The following VAT1L variants were observed in gnomAD, a reference collection of about 807,000 sequenced individuals.
The protein encoded by VAT1L is putative NADPH-dependent quinone oxidoreductase VAT1L.
VAT1L carries 34 observed loss-of-function variants against 44.1 expected under a neutral mutation model. The observed-to-expected ratio is 0.77, with a 90% CI of 0.59 to 1.03. VAT1L has a LOEUF of 1.03. Ranked by LOEUF, VAT1L falls within the 50% of genes least tolerant of loss-of-function variation. VAT1L has a pLI of 0.00. For missense variants in VAT1L, 615 were observed against 538.8 expected (o/e 1.14, Z -1.40); for synonymous variants, 253 against 202.2 (o/e 1.25, Z -2.13).
chr16:77,955,588 G>A (rs1295145752), intron 7 of VAT1L, among the ~76,000 whole-genome samples: 1 of 152,128 alleles, frequency 6.6e-6, no homozygotes, highest in Non-Finnish European at 1.5e-5. Flanking sequence ...AGCCAGGGGT[G>A]ATGGCACTCG....
In VAT1L at chr16:77,919,318, T is replaced by G. The variant is rs138017220; in HGVS notation, c.1077+34516T>G. Reference sequence around the variant, plus strand: ...GTTGTGCCTAGACCAGGATGCTGTTTTGATTGGAAAGGATGCTGGACTGAT... The same window carrying G: ...GTTGTGCCTAGACCAGGATGCTGTTGTGATTGGAAAGGATGCTGGACTGAT... On this transcript the variant is annotated intron_variant, in intron 7 of 8. Coordinates refer to ENST00000302536, the MANE Select transcript of VAT1L (RefSeq NM_020927.3). Among the ~76,000 whole-genome samples, 400 of 152,274 alleles carry G rather than the reference T, an allele frequency of 2.6e-3. 4 individuals are homozygous for G. Among genetic ancestry groups the G allele is most frequent in the African/African-American group, 9.3e-3 (386 of 41,556 alleles).
chr16:77,859,364 T>C (rs1016053567), intron 3 of VAT1L, among the ~76,000 whole-genome samples: 2 of 152,170 alleles, frequency 1.3e-5, no homozygotes. Context: ...CACAATGCCA[T>C]GCTCATGGCA....
Position 77,884,195 on chromosome 16 carries a change from G to A in VAT1L, c.883-413G>A, listed in dbSNP as rs2017184108. On this transcript the variant is annotated intron_variant, in intron 6 of 8. Coordinates refer to ENST00000302536, the MANE Select transcript of VAT1L (RefSeq NM_020927.3). This position sits in a 1 kb window ranked among gnomAD's most constrained non-coding sequence, Gnocchi z 4.5. Reference sequence around the variant, plus strand: ...TAAAAAAAATACACCACTGTCCAAGGCGGGTGGATCACGAGGTCAGGAGTT... The same window carrying A: ...TAAAAAAAATACACCACTGTCCAAGACGGGTGGATCACGAGGTCAGGAGTT... 6.6e-6 allele frequency among the ~76,000 whole-genome samples: 1 copy of A among 152,002 alleles called. No individual in the cohort carries two copies. The highest frequency in any genetic ancestry group is 1.5e-5 in the Non-Finnish European group (1 of 68,022).
chr16:77,917,694 G>T (rs1249601998), intron 7 of VAT1L, among the ~76,000 whole-genome samples: 1 of 152,084 alleles, frequency 6.6e-6, no homozygotes. Flanking sequence ...ATAATCTAAG[G>T]TTCCCTCCAC....
At chr16:77,822,243 T>C (rs2016463840) in intron 2 of VAT1L, among the ~76,000 whole-genome samples, 1 of 152,164 alleles carries the variant, frequency 6.6e-6, no homozygotes, top group South Asian at 2.1e-4. Flanking sequence ...CAAGTGATTC[T>C]CCTGCCTCAG....
chr16:77,830,643 G>C (rs1422123035), intron 3 of VAT1L, among the ~76,000 whole-genome samples: 1 of 152,150 alleles, frequency 6.6e-6, no homozygotes, highest in Admixed American at 6.5e-5. Context: ...CCATGATTAG[G>C]AGGCCTCCCA....
rs144866980 is a variant in VAT1L at position 77,883,195 on chromosome 16, C to G, written c.883-1413C>G. Among the ~76,000 whole-genome samples, 637 of 152,240 alleles carry G rather than the reference C, an allele frequency of 4.2e-3. 4 individuals carry two copies. The highest frequency in any genetic ancestry group is 0.024 in the Middle Eastern group (7 of 294). On this transcript the variant is annotated intron_variant, in intron 6 of 8. Coordinates refer to ENST00000302536, the MANE Select transcript of VAT1L (RefSeq NM_020927.3). ...AAAGGCTATCAATGTTTCTAAATGCCCATCACATTCCTCTTTGCATCCTGT... is the reference window on the plus strand; with the variant it reads ...AAAGGCTATCAATGTTTCTAAATGCGCATCACATTCCTCTTTGCATCCTGT...
chr16:77,850,060 G>C (rs1386969868), intron 3 of VAT1L, among the ~76,000 whole-genome samples: 1 of 152,208 alleles, frequency 6.6e-6, no homozygotes, highest in Non-Finnish European at 1.5e-5. Context: ...ATGGACACGC[G>C]TGCCAGGCAG....
chr16:77,792,915 T>G (rs2015860030), intron 1 of VAT1L, among the ~76,000 whole-genome samples: 1 of 152,206 alleles, frequency 6.6e-6, no homozygotes, highest in African/African-American at 2.4e-5. Context: ...GCCTGGTGCT[T>G]AGCAAGCAGT....
At chr16:77,833,893 G>A (rs746592756) in intron 3 of VAT1L, among the ~76,000 whole-genome samples, 4 of 152,098 alleles carry the variant, frequency 2.6e-5, no homozygotes, top group Non-Finnish European at 4.4e-5. Flanking sequence ...AAAGAATTCC[G>A]GACAGGAGGG....
At position 77,788,797 on chromosome 16, in the gene VAT1L, GC is replaced by G; in HGVS notation, c.118del (p.Gln40ArgfsTer41). ...CGACGGCTCGCACCGCCTCGGGGACGCCCAGGAGATGCGCGCGGTGGTGCTG... is the reference window on the plus strand; with the variant it reads ...CGACGGCTCGCACCGCCTCGGGGACGCCAGGAGATGCGCGCGGTGGTGCTG... ...GGDGSHRLGD[A>X]QEMRAVVLAG... On this transcript the variant is annotated frameshift_variant, in exon 1 of 9. Transcript: ENST00000302536. LOFTEE classifies it high-confidence loss of function. The G allele has an allele frequency of 6.4e-7, 1 of 1,570,446 alleles. No individual in the cohort carries two copies. Among genetic ancestry groups the G allele is most frequent in the Non-Finnish European group, 8.6e-7 (1 of 1,158,950 alleles).
chr16:77,943,741 G>A (rs1000504676), intron 7 of VAT1L, among the ~76,000 whole-genome samples: 1 of 152,108 alleles, frequency 6.6e-6, no homozygotes, highest in African/African-American at 2.4e-5. Flanking sequence ...TTCACTAGCT[G>A]TGTGGTCTCA....
chr16:77,825,527 CT>C, intron 3 of VAT1L, 66 bp downstream of exon 3: 1 of 1,508,172 alleles, frequency 6.6e-7, no homozygotes, highest in Non-Finnish European at 9.0e-7. Flanking sequence ...TGACACCCCC[CT>C]GAGGTCTTAT....
intron 7 of VAT1L, among the ~76,000 whole-genome samples, chr16:77,940,255 G>T (rs555811510): frequency 7.9e-5 from 12 of 151,496 alleles, no homozygotes; most frequent in African/African-American, 2.7e-4. Context: ...CTACAAATGT[G>T]CTATCAACTG....
chr16:77,827,308 C>T (rs1443557698), intron 3 of VAT1L, among the ~76,000 whole-genome samples: 1 of 152,184 alleles, frequency 6.6e-6, no homozygotes, highest in Non-Finnish European at 1.5e-5. Flanking sequence ...TCAGTCTTTA[C>T]AATGACGCTG....
intron 1 of VAT1L, among the ~76,000 whole-genome samples, chr16:77,789,316 GT>G (rs1267237299): frequency 6.6e-6 from 1 of 152,162 alleles, no homozygotes; most frequent in African/African-American, 2.4e-5. Context: ...GCCGTTGGTA[GT>G]TTTACACGTG....
At chr16:77,926,714 TA>T (rs2017673450) in intron 7 of VAT1L, among the ~76,000 whole-genome samples, 1 of 152,208 alleles carries the variant, frequency 6.6e-6, no homozygotes, top group South Asian at 2.1e-4. Context: ...CACCAACCTC[TA>T]TGCCCCACTA....
intron 7 of VAT1L, among the ~76,000 whole-genome samples, chr16:77,890,922 GAAAAA>G (rs57157062): frequency 7.7e-6 from 1 of 129,136 alleles, no homozygotes; most frequent in East Asian, 2.3e-4. Flanking sequence ...AGACCCTGTC[GAAAAA>G]AAAAAAAAAA....
intron 7 of VAT1L, among the ~76,000 whole-genome samples, chr16:77,968,765 GC>G (rs2018249589): frequency 2.0e-5 from 3 of 152,038 alleles, no homozygotes; most frequent in Admixed American, 2.0e-4. Context: ...GACAGGCTCT[GC>G]TACGAGGGTT....
Sources: gnomAD v4.1 joint callset for allele counts (sites outside exome capture counted in the v4.1 genomes callset) on GRCh38, gnomAD v4.1.1 for gene constraint, Gnocchi (gnomAD v3.1) non-coding constraint, MANE v1.5 for transcripts, NCBI Gene and HGNC (gene_info 2026-07-23, HGNC 2026-07-21) for gene names.